HS1BP3: variants seen among roughly 807,000 people sequenced by gnomAD.
The protein encoded by HS1BP3 is HCLS1 binding protein 3, also known as HCLS1-binding protein 3.
Under a neutral mutation model 33.5 loss-of-function variants are expected in HS1BP3, and 32 were observed. That is an observed-to-expected ratio of 0.95 (90% CI 0.72 to 1.28). The LOEUF (loss-of-function observed/expected upper bound fraction) is 1.28. Among genes scored for constraint, HS1BP3 ranks in the 50% most tolerant of loss-of-function variants. HS1BP3 has a pLI of 0.00. For missense variants in HS1BP3, 486 were observed against 502.3 expected, an observed-to-expected ratio of 0.97 and a Z score of 0.31; for synonymous variants, 187 against 209.2, an observed-to-expected ratio of 0.89 and a Z score of 0.92.
chr2:20,580,997 C>T (rs903052008), intron 5 of HS1BP3, among the ~76,000 whole-genome samples: 3 of 152,230 alleles, frequency 2.0e-5, no homozygotes, highest in African/African-American at 7.2e-5. Flanking sequence ...ATGCAGATGC[C>T]AGCTTGTCAG....
At chr2:20,604,034 A>G (rs754567736) in intron 2 of HS1BP3, among the ~76,000 whole-genome samples, 3 of 152,240 alleles carry the variant, frequency 2.0e-5, no homozygotes, top group Non-Finnish European at 2.9e-5. Context: ...CCCTGCCCTC[A>G]GAAGGTGCCC....
chr2:20,634,146 C>G (rs1242032469), intron 4 of HS1BP3, among the ~76,000 whole-genome samples: 2 of 152,268 alleles, frequency 1.3e-5, no homozygotes, highest in Admixed American at 6.5e-5. Flanking sequence ...CAGACAGTAC[C>G]GGAAGTGCCT....
At chr2:20,634,168 C>T (rs966092846) in intron 4 of HS1BP3, among the ~76,000 whole-genome samples, 1 of 152,258 alleles carries the variant, frequency 6.6e-6, no homozygotes. Context: ...CTGGACACGC[C>T]CTGTCCTCAG....
rs781271525 is a variant in HS1BP3 at position 20,640,969 on chromosome 2, G to A, written c.406+4C>T. 1 of 1,614,040 alleles carries A rather than the reference G, an allele frequency of 6.2e-7. No individual in the cohort carries two copies. The highest frequency in any genetic ancestry group is 8.5e-7 in the Non-Finnish European group (1 of 1,179,902). On this transcript the variant is annotated splice_donor_region_variant and intron_variant, in intron 3 of 6. Coordinates refer to ENST00000304031, the MANE Select transcript of HS1BP3 (RefSeq NM_022460.4). ...TGAGGGACATGGGGCAGAGCCTTGG[G>A]TACCTAAGAACTCTAGCAGCTCTGG...
At position 20,564,192 on chromosome 2, in the gene HS1BP3, C is replaced by A. The variant is rs142866353; in HGVS notation, c.303-3677G>T. Among the ~76,000 whole-genome samples, 10 of 152,330 alleles carry A rather than the reference C, an allele frequency of 6.6e-5. No homozygotes were observed. In the East Asian group the frequency reaches 1.5e-3, roughly 24 times the overall value. ...GCTGTCCTCTTCCTCAGGCTGGAAACCCCTCTAGTCTCTCTAACAGGTGCT... is the reference window on the plus strand; with the variant it reads ...GCTGTCCTCTTCCTCAGGCTGGAAAACCCTCTAGTCTCTCTAACAGGTGCT... On this transcript the variant is annotated intron_variant, in intron 5 of 5. Transcript: ENST00000446825.
chr2:20,563,469 G>A (rs1256167313), intron 5 of HS1BP3, among the ~76,000 whole-genome samples: 1 of 152,246 alleles, frequency 6.6e-6, no homozygotes, highest in Non-Finnish European at 1.5e-5. Context: ...GTCTGATGGG[G>A]CCACTACTGG....
At chr2:20,641,590 C>T (rs1695352080) in intron 2 of HS1BP3, among the ~76,000 whole-genome samples, 1 of 152,330 alleles carries the variant, frequency 6.6e-6, no homozygotes, top group South Asian at 2.1e-4. Flanking sequence ...TTCTCAGCAC[C>T]AACCTCATTC....
intron 5 of HS1BP3, among the ~76,000 whole-genome samples, chr2:20,569,161 A>G (rs1693206305): frequency 6.6e-6 from 1 of 152,164 alleles, no homozygotes; most frequent in South Asian, 2.1e-4. Context: ...AGAGAGAGAG[A>G]GAAAGGGAGG....
downstream of HS1BP3, among the ~76,000 whole-genome samples, chr2:20,588,258 A>G (rs955588076): frequency 3.3e-5 from 5 of 152,356 alleles, no homozygotes; most frequent in African/African-American, 1.2e-4. Context: ...TGGAACAAAC[A>G]ATAAAGGCTA....
chr2:20,645,292 C>T (rs548743549), intron 2 of HS1BP3, 48 bp downstream of exon 2: 29 of 1,583,768 alleles, frequency 1.8e-5, no homozygotes, highest in Middle Eastern at 1.7e-4. Flanking sequence ...TCTGCCCGCC[C>T]GGACCCCGGG....
intron 2 of HS1BP3, among the ~76,000 whole-genome samples, chr2:20,643,221 C>T (rs990197139): frequency 5.3e-5 from 8 of 152,156 alleles, no homozygotes; most frequent in African/African-American, 1.7e-4. Context: ...GGCGTCACTG[C>T]CTAGGAAAAA....
intron 1 of HS1BP3, among the ~76,000 whole-genome samples, chr2:20,648,649 G>A (rs942690539): frequency 3.3e-5 from 5 of 152,074 alleles, no homozygotes; most frequent in Admixed American, 1.3e-4. Context: ...CCCTCCCCAG[G>A]TGATCTCATC....
At chr2:20,577,445 G>A (rs1693427624) in intron 5 of HS1BP3, among the ~76,000 whole-genome samples, 1 of 152,154 alleles carries the variant, frequency 6.6e-6, no homozygotes, top group Non-Finnish European at 1.5e-5. Context: ...GGCTTCCTTT[G>A]AAACAAGTGC....
chr2:20,622,243 A>G (rs1339570120), intron 6 of HS1BP3: 2 of 1,303,400 alleles, frequency 1.5e-6, no homozygotes, highest in Non-Finnish European at 2.0e-6. Flanking sequence ...GGATAGTCAC[A>G]GGGCAGACAC....
At chr2:20,590,683 C>T (rs1270415643), downstream of HS1BP3, 1 of 152,694 alleles carries the variant, frequency 6.5e-6, no homozygotes, top group African/African-American at 2.4e-5. Flanking sequence ...TTCCACAGAT[C>T]CAGAGTCAAC....
chr2:20,627,329 G>T (rs1694817192), intron 4 of HS1BP3, among the ~76,000 whole-genome samples: 1 of 152,248 alleles, frequency 6.6e-6, no homozygotes, highest in Non-Finnish European at 1.5e-5. Flanking sequence ...CCTGGGGATT[G>T]AACTTGCATG....
intron 2 of HS1BP3, chr2:20,606,273 G>T (rs1263162536): frequency 5.6e-6 from 2 of 357,304 alleles, no homozygotes; most frequent in Non-Finnish European, 5.6e-6. Flanking sequence ...CAGTTGGTTG[G>T]ACCTGTTCAT....
downstream of HS1BP3, among the ~76,000 whole-genome samples, chr2:20,587,925 C>T (rs879537650): frequency 1.1e-4 from 16 of 152,012 alleles, no homozygotes; most frequent in Non-Finnish European, 1.6e-4. Context: ...TCTCAACGTC[C>T]GGGCCTCTTC....
intron 4 of HS1BP3, among the ~76,000 whole-genome samples, chr2:20,634,530 C>A (rs1695062098): frequency 6.6e-6 from 1 of 152,190 alleles, no homozygotes; most frequent in Non-Finnish European, 1.5e-5. Context: ...GCAAGAGGCA[C>A]CCTCGGGGAA....
Sources: gnomAD v4.1 joint callset for allele counts (sites outside exome capture counted in the v4.1 genomes callset) on GRCh38, gnomAD v4.1.1 for gene constraint, MANE v1.5 for transcripts, NCBI Gene and HGNC (gene_info 2026-07-23, HGNC 2026-07-21) for gene names.